Variants in PCDH8 observed in about 807,000 individuals in gnomAD.
PCDH8 encodes protocadherin-8.
In PCDH8, 36 loss-of-function variants were observed where a neutral mutation model predicts 58.2. The ratio of observed to expected loss-of-function variants is 0.62; its 90% CI spans 0.47 to 0.82. PCDH8 has a LOEUF of 0.82. PCDH8 is among the 40% of genes least tolerant of loss of function. PCDH8 has a pLI of 0.00. For synonymous variants in PCDH8, 775 were observed against 728.9 expected (o/e 1.06, Z -1.02); for missense variants, 1,493 against 1,567.8 (o/e 0.95, Z 0.81).
rs1186445820 is a variant in PCDH8, at chr13:52,845,816, G to A, written c.2621C>T (p.Ala874Val). ...HFEGQQRLRGAHAEPYGASPG... is the reference protein window; with the variant it reads ...HFEGQQRLRGVHAEPYGASPG... Reference sequence around the variant, plus strand: ...GAAGGAAGGCCTCACCTCGGCGTGCGCGCCGCGGAGCCGCTGCTGCCCCTC... The same window carrying A: ...GAAGGAAGGCCTCACCTCGGCGTGCACGCCGCGGAGCCGCTGCTGCCCCTC... Residue 874 changes from alanine to valine, a missense_variant, in exon 1 of 3, where the codon GCG (alanine) becomes GTG (valine). By Grantham distance (64) the Ala-to-Val change is moderately conservative (BLOSUM62 0). Coordinates refer to ENST00000377942, the MANE Select transcript of PCDH8 (RefSeq NM_002590.4). 1.3e-6 allele frequency: 2 copies of A among 1,503,768 alleles called. No individual in the cohort carries two copies. Among genetic ancestry groups the A allele is most frequent in the East Asian group, 2.5e-5 (1 of 40,744 alleles). 93.2% of individuals were successfully genotyped at this position (1,503,768 alleles called of 1,614,324 possible).
In PCDH8 at chr13:52,848,077, G is replaced by A. The variant is rs199588323; in HGVS notation, c.360C>T (p.His120=). Reference sequence around the variant, plus strand: ...TGACGTCCCTCACCTCTACCTCCACGTGCACCAGCCGGAACTGCTCCTGCG... The same window carrying A: ...TGACGTCCCTCACCTCTACCTCCACATGCACCAGCCGGAACTGCTCCTGCG... ...SFSQEQFRLV[H]VEVEVRDVND... The change falls in exon 1 of 3, where the codon CAC becomes CAT. Residue 120 remains histidine (H), a synonymous_variant. Transcript: ENST00000377942. 1.2e-6 allele frequency: 2 copies of A among 1,612,616 alleles called. No individual in the cohort carries two copies. The highest frequency in any genetic ancestry group is 1.1e-5 in the South Asian group (1 of 91,034).
rs1189256580 is a variant in PCDH8, at chr13:52,847,039, C to T, written c.1398G>A (p.Thr466=). 3.8e-6 allele frequency: 6 copies of T among 1,567,174 alleles called. No individual in the cohort carries two copies. Among genetic ancestry groups the T allele is most frequent in the South Asian group, 3.5e-5 (3 of 85,734 alleles). The change falls in exon 1 of 3, where the codon ACG becomes ACA. Residue 466 remains threonine, a synonymous_variant. Transcript: ENST00000377942. ...GCGCGCCGCGATCCTCGGCCACCAG[C>T]GTCAAGTTGTACTCGGCGATGCGTT... ...DRERIAEYNL[T]LVAEDRGAPP... is the part of the protein sequence containing the mutation.
In PCDH8 at chr13:52,847,332, G is replaced by A. The variant is rs544784507; in HGVS notation, c.1105C>T (p.Pro369Ser). The A allele has an allele frequency of 1.9e-5, 28 of 1,450,204 alleles. No individual in the cohort carries two copies. The South Asian group carries it at 3.7e-4, about 19-fold the overall frequency. The allele number at this position is 1,450,204 out of a possible 1,614,324, so 89.8% of individuals were successfully genotyped here. Residue 369 changes from proline (P) to serine (S), a missense_variant, in exon 1 of 3, where the codon CCC becomes TCC. This residue lies in a region of PCDH8 where 1,307 missense variants were observed against 1,362.7 expected (regional missense o/e 0.96). Transcript: ENST00000377942. Reference protein sequence around the residue: ...LAAPGAPATSPFAAAAAAAAL... With the variant: ...LAAPGAPATSSFAAAAAAAAL... ...GCGGCGGCGGCGGCAGCGGCGAAGG[G>A]TGAGGTTGCCGGCGCGCCTGGGGCG... is the stretch of plus-strand genomic sequence containing the variant.
In PCDH8 at chr13:52,846,053, G is replaced by C; in HGVS notation, c.2384C>G (p.Ala795Gly). Residue 795 changes from alanine (A) to glycine (G), a missense_variant, in exon 1 of 3, where the codon GCG becomes GGG. Ala to Gly is a moderately conservative substitution (Grantham distance 60). Around this residue, in one of 3 missense-constraint regions of PCDH8, gnomAD observed 1,307 missense variants for 1,362.7 expected, o/e 0.96. Transcript: ENST00000377942. ...GALREERPGA[A>G]GGGASAPGSP... ...GCCGGGAGCCGAGGCTCCGCCGCCC[G>C]CCGCCCCGGGCCGCTCTTCCCGGAG... The C allele has an allele frequency of 1.3e-6, 2 of 1,507,962 alleles. No individual in the cohort carries two copies. Among genetic ancestry groups the C allele is most frequent in the Non-Finnish European group, 1.7e-6 (2 of 1,145,596 alleles). 93.4% of individuals were successfully genotyped at this position (1,507,962 alleles called of 1,614,324 possible).
Position 52,844,550 on chromosome 13 carries a change from C to A in PCDH8, c.*10G>T. ...TGACCTGTATATGTGTGAAGACATGCAGCATGGGATTACACATTTTCATTG... is the reference window on the plus strand; with the variant it reads ...TGACCTGTATATGTGTGAAGACATGAAGCATGGGATTACACATTTTCATTG... On this transcript the variant is annotated 3_prime_UTR_variant, in exon 3 of 3. Coordinates refer to ENST00000377942, the MANE Select transcript of PCDH8 (RefSeq NM_002590.4). 1.9e-6 allele frequency: 3 copies of A among 1,565,016 alleles called. No homozygotes were observed. The South Asian group carries it at 3.7e-5, about 19-fold the overall frequency.
In PCDH8 at chr13:52,846,492, G is replaced by A. The variant is rs753095391; in HGVS notation, c.1945C>T (p.Leu649=). ...RDADEGANGE[L]AFELQQQEPR... is the part of the protein sequence containing the mutation. Reference sequence around the variant, plus strand: ...TCCTGCTGCTGCAGCTCGAACGCCAGCTCCCCGTTGGCTCCCTCGTCTGCA... The same window carrying A: ...TCCTGCTGCTGCAGCTCGAACGCCAACTCCCCGTTGGCTCCCTCGTCTGCA... The change falls in exon 1 of 3, where the codon CTG becomes TTG. Residue 649 remains leucine (L), a synonymous_variant. Coordinates refer to ENST00000377942, the MANE Select transcript of PCDH8 (RefSeq NM_002590.4). The A allele has an allele frequency of 2.5e-6, 4 of 1,597,776 alleles. No homozygotes were observed. In the South Asian group the frequency reaches 4.4e-5, roughly 18 times the overall value.
chr13:52,845,401 T>G, intron 2 of PCDH8, 24 bp downstream of exon 2: 1 of 1,610,746 alleles, frequency 6.2e-7, no homozygotes, highest in East Asian at 2.2e-5. Context: ...AATGCCGAAT[T>G]TGGCGGGAAA....
Position 52,848,244 on chromosome 13 carries a change from G to T in PCDH8, c.193C>A (p.Leu65Met), listed in dbSNP as rs755678750. 1.2e-6 allele frequency: 2 copies of T among 1,613,704 alleles called. No homozygotes were observed. Among genetic ancestry groups the T allele is most frequent in the Admixed American group, 3.3e-5 (2 of 60,024 alleles). Residue 65 changes from leucine to methionine, a missense_variant, in exon 1 of 3, where the codon CTG (leucine) becomes ATG (methionine). Leu to Met is a conservative substitution (Grantham distance 15). Transcript: ENST00000377942. ...AGAGAGCTGTTGAATTGCTTCATCA[G>T]GCGGAAGCTTGTGTCACCCGATACT... is the stretch of plus-strand genomic sequence containing the variant. ...MKVSGDTSFR[L>M]MKQFNSSLLR...
intron 1 of PCDH8, 56 bp downstream of exon 1, chr13:52,845,750 C>T (rs1965719445): frequency 6.6e-7 from 1 of 1,506,264 alleles, no homozygotes; most frequent in South Asian, 1.3e-5. Context: ...AGTCTCCCTT[C>T]CCCCAGCCTG....
rs1263198772 is a variant in PCDH8, at chr13:52,845,955, C to T, written c.2482G>A (p.Gly828Ser). Residue 828 changes from glycine (G) to serine (S), a missense_variant, in exon 1 of 3, where the codon GGC (glycine) becomes AGC (serine). Transcript: ENST00000377942. ...GCGGGGCTGCCAAAGGGCGCTTTGC[C>T]GGTGCCAGGGAAGGTGAGCACGTCG... is the stretch of plus-strand genomic sequence containing the variant. ...MFDVLTFPGT[G>S]KAPFGSPAAD... 6.7e-7 allele frequency: 1 copy of T among 1,490,430 alleles called. No homozygotes were observed. The highest frequency in any genetic ancestry group is 8.8e-7 in the Non-Finnish European group (1 of 1,132,662). 92.3% of individuals were successfully genotyped at this position (1,490,430 alleles called of 1,614,324 possible).
rs772180913 is a variant in PCDH8, at chr13:52,846,282, C to T, written c.2155G>A (p.Ala719Thr). The change falls in exon 1 of 3, where the codon GCT (alanine) becomes ACT (threonine). Residue 719 changes from alanine to threonine, a missense_variant. Coordinates refer to ENST00000377942, the MANE Select transcript of PCDH8 (RefSeq NM_002590.4). ...GGGCTTCCTGCACTGGCAGGCGCAG[C>T]CGGCCCACGCCCGCCCCCTGCTGTT... ...VVTAGGGRGP[A>T]APASAGSPER... 2.5e-6 allele frequency: 4 copies of T among 1,574,290 alleles called. No individual in the cohort carries two copies. Among genetic ancestry groups the T allele is most frequent in the Middle Eastern group, 1.7e-4 (1 of 5,914 alleles).
rs1593425569 is a variant in PCDH8 at position 52,846,374 on chromosome 13, G to A, written c.2063C>T (p.Ala688Val). The A allele has an allele frequency of 1.3e-6, 2 of 1,587,636 alleles. No individual in the cohort carries two copies. Reference protein sequence around the residue: ...SQEPPGRVFRALLVISDGGRP... With the variant: ...SQEPPGRVFRVLLVISDGGRP... ...GCCGCCGTCGGATATGACCAGGAGC[G>A]CCCTGAACACGCGACCGGGTGGCTC... Residue 688 changes from alanine (A) to valine (V), a missense_variant, in exon 1 of 3, where the codon GCG (alanine) becomes GTG (valine). Transcript: ENST00000377942.
Position 52,848,634 on chromosome 13 carries a change from A to T in PCDH8, c.-198T>A, listed in dbSNP as rs922922890. The T allele has an allele frequency of 1.8e-6, 2 of 1,122,130 alleles. No individual in the cohort carries two copies. The highest frequency in any genetic ancestry group is 5.7e-5 in the East Asian group (2 of 35,378). The allele number at this position is 1,122,130 out of a possible 1,614,324, so 69.5% of individuals were successfully genotyped here. A position where few individuals can be genotyped will look rare whatever the true frequency, so the allele number is the denominator to read the frequency against. On this transcript the variant is annotated 5_prime_UTR_variant, in exon 1 of 3. Coordinates refer to ENST00000377942, the MANE Select transcript of PCDH8 (RefSeq NM_002590.4). ...CACTCTGCGCCTCTCCGTCTCTTAC[A>T]GAAGCTGCGCCGCCTCGCGCCGCCT...
Position 52,844,771 on chromosome 13 carries a change from T to C in PCDH8, c.3002A>G (p.Asp1001Gly), listed in dbSNP as rs2138352182. ...TSLPRDPLRR[D>G]NYYQAQLPKT... Reference sequence around the variant, plus strand: ...GGGCAGCTGGGCCTGGTAGTAATTGTCCCTGCGCAGAGGATCCCGAGGCAG... The same window carrying C: ...GGGCAGCTGGGCCTGGTAGTAATTGCCCCTGCGCAGAGGATCCCGAGGCAG... The change falls in exon 3 of 3, where the codon GAC becomes GGC. Residue 1001 changes from aspartate to glycine, a missense_variant. Around this residue, in one of 3 missense-constraint regions of PCDH8, gnomAD observed 182 missense variants for 178.9 expected, o/e 1.02. Transcript: ENST00000377942. The C allele has an allele frequency of 6.2e-7, 1 of 1,613,394 alleles. No homozygotes were observed. The highest frequency in any genetic ancestry group is 1.7e-4 in the Middle Eastern group (1 of 6,054).
chr13:52,846,761 C>G lies in PCDH8; in HGVS notation c.1676G>C (p.Gly559Ala). Reference protein sequence around the residue: ...STYVSVDPATGAIYALRSFDY... With the variant: ...STYVSVDPATAAIYALRSFDY... ...GAAGCTGCGCAGCGCGTAGATGGCT[C>G]CGGTAGCTGGGTCCACCGAGACATA... The change falls in exon 1 of 3, where the codon GGA (glycine) becomes GCA (alanine). Residue 559 changes from glycine (G) to alanine (A), a missense_variant. Gly to Ala is a moderately conservative substitution (Grantham distance 60). Coordinates refer to ENST00000377942, the MANE Select transcript of PCDH8 (RefSeq NM_002590.4). 6.3e-7 allele frequency: 1 copy of G among 1,579,200 alleles called. No homozygotes were observed. The highest frequency in any genetic ancestry group is 8.5e-7 in the Non-Finnish European group (1 of 1,169,724).
rs777715770 is a variant in PCDH8, at chr13:52,847,476, C to T, written c.961G>A (p.Glu321Lys). The change falls in exon 1 of 3, where the codon GAG becomes AAG. Residue 321 changes from glutamate (E) to lysine (K), a missense_variant. Physicochemically the swap from Glu to Lys is moderately conservative, Grantham distance 56. This residue lies in a region of PCDH8 where 1,307 missense variants were observed against 1,362.7 expected (regional missense o/e 0.96). Coordinates refer to ENST00000377942, the MANE Select transcript of PCDH8 (RefSeq NM_002590.4). ...CGGTCCTGCGCCCGCACGTCCAGCT[C>T]GTAGGTGTCCTGACGCTCGTAGTCC... ...PVDYERQDTYELDVRAQDRGP... is the reference protein window; with the variant it reads ...PVDYERQDTYKLDVRAQDRGP... 3 of 1,592,084 alleles carry T rather than the reference C, an allele frequency of 1.9e-6. No individual in the cohort carries two copies. The highest frequency in any genetic ancestry group is 2.6e-6 in the Non-Finnish European group (3 of 1,175,512).
At position 52,848,160 on chromosome 13, in the gene PCDH8, C is replaced by T. The variant is rs1331798696; in HGVS notation, c.277G>A (p.Glu93Lys). ...TGCGGGGCCTGGCCACACAGCCGCT[C>T]GCGGTCCAGGCCGGCGTCCCCGACG... Reference protein sequence around the residue: ...LTVGDAGLDRERLCGQAPQCV... With the variant: ...LTVGDAGLDRKRLCGQAPQCV... The change falls in exon 1 of 3, where the codon GAG becomes AAG. Residue 93 changes from glutamate to lysine, a missense_variant. Glu to Lys is a moderately conservative substitution (Grantham distance 56). Transcript: ENST00000377942. 1.9e-6 allele frequency: 3 copies of T among 1,612,552 alleles called. No homozygotes were observed. Among genetic ancestry groups the T allele is most frequent in the Non-Finnish European group, 2.5e-6 (3 of 1,179,762 alleles).
At position 52,845,934 on chromosome 13, in the gene PCDH8, G is replaced by A; in HGVS notation, c.2503C>T (p.Pro835Ser). The A allele has an allele frequency of 6.7e-7, 1 of 1,486,378 alleles. No individual in the cohort carries two copies. Among genetic ancestry groups the A allele is most frequent in the Non-Finnish European group, 8.8e-7 (1 of 1,130,302 alleles). 92.1% of individuals were successfully genotyped at this position (1,486,378 alleles called of 1,614,324 possible). ...PGTGKAPFGS[P>S]AADAPPPAVA... is the part of the protein sequence containing the mutation. ...GCAGGCGGAGGCGCGTCCGCCGCGGGGCTGCCAAAGGGCGCTTTGCCGGTG... is the reference window on the plus strand; with the variant it reads ...GCAGGCGGAGGCGCGTCCGCCGCGGAGCTGCCAAAGGGCGCTTTGCCGGTG... Residue 835 changes from proline (P) to serine (S), a missense_variant, in exon 1 of 3, where the codon CCC (proline) becomes TCC (serine). Pro to Ser is a moderately conservative substitution (Grantham distance 74). Coordinates refer to ENST00000377942, the MANE Select transcript of PCDH8 (RefSeq NM_002590.4).
rs1388770315 is a variant in PCDH8, at chr13:52,845,892, C to T, written c.2545G>A (p.Val849Met). The T allele has an allele frequency of 1.3e-6, 2 of 1,485,226 alleles. No homozygotes were observed. The highest frequency in any genetic ancestry group is 1.8e-6 in the Non-Finnish European group (2 of 1,128,978). 92.0% of individuals were successfully genotyped at this position (1,485,226 alleles called of 1,614,324 possible). Residue 849 changes from valine to methionine, a missense_variant, in exon 1 of 3, where the codon GTG (valine) becomes ATG (methionine). By Grantham distance (21) the Val-to-Met change is conservative. This residue lies in a region of PCDH8 where 1,307 missense variants were observed against 1,362.7 expected (regional missense o/e 0.96). Coordinates refer to ENST00000377942, the MANE Select transcript of PCDH8 (RefSeq NM_002590.4). Reference sequence around the variant, plus strand: ...GCGCTGCCGCCCTCTGAGCCCGGCACTTCGGCCGCGGCGACCGCAGGCGGA... The same window carrying T: ...GCGCTGCCGCCCTCTGAGCCCGGCATTTCGGCCGCGGCGACCGCAGGCGGA... ...APPPAVAAAE[V>M]PGSEGGSATG...
Sources: allele counts gnomAD v4.1 joint callset, GRCh38; gene constraint gnomAD v4.1.1; regional missense constraint gnomAD v4.1.1; transcripts MANE v1.5; gene names NCBI Gene and HGNC (gene_info 2026-07-23, HGNC 2026-07-21).